The following PTPRD variants were observed in gnomAD, a reference collection of about 807,000 sequenced individuals.
PTPRD encodes protein tyrosine phosphatase receptor type D, also known as receptor-type tyrosine-protein phosphatase delta.
In PTPRD, 34 loss-of-function variants were observed where a neutral mutation model predicts 214.5. The observed-to-expected ratio is 0.16, with a 90% CI of 0.12 to 0.21. The LOEUF (loss-of-function observed/expected upper bound fraction) is 0.21, where lower values mean the gene tolerates loss of function less well. Ranked by LOEUF, PTPRD falls within the 10% of genes least tolerant of loss-of-function variation. PTPRD has a pLI of 1.00. For missense variants in PTPRD, 2,545 were observed against 2,398.7 expected (o/e 1.06, Z -1.27); for synonymous variants, 1,128 against 845.7 (o/e 1.33, Z -5.79).
chr9:9,956,574 T>C (rs1005809302), intron 4 of PTPRD, among the ~76,000 whole-genome samples: 3 of 152,156 alleles, frequency 2.0e-5, no homozygotes, highest in Admixed American at 6.5e-5. Context: ...TGTTATGTGG[T>C]TTATCATTTT....
intron 11 of PTPRD, among the ~76,000 whole-genome samples, chr9:8,986,897 A>C (rs1358864958): frequency 6.6e-6 from 1 of 152,080 alleles, no homozygotes; most frequent in African/African-American, 2.4e-5. Context: ...GTGATGTACT[A>C]CTTTAACAAT....
At chr9:10,082,846 C>A (rs866005903) in intron 3 of PTPRD, among the ~76,000 whole-genome samples, 2 of 143,304 alleles carry the variant, frequency 1.4e-5, no homozygotes, top group South Asian at 4.4e-4. Flanking sequence ...CACAAACACA[C>A]ACACACACAC....
At chr9:9,189,960 T>G (rs561359150) in intron 9 of PTPRD, among the ~76,000 whole-genome samples, 1 of 152,032 alleles carries the variant, frequency 6.6e-6, no homozygotes, top group Non-Finnish European at 1.5e-5. Flanking sequence ...CAGAAGACTT[T>G]AATAGCCAGT....
chr9:9,252,413 C>T (rs925808510), intron 9 of PTPRD, among the ~76,000 whole-genome samples: 1 of 152,024 alleles, frequency 6.6e-6, no homozygotes, highest in African/African-American at 2.4e-5. Context: ...TGGCCACCTT[C>T]CTATAACTTG....
intron 6 of PTPRD, among the ~76,000 whole-genome samples, chr9:9,738,635 T>C (rs1737376986): frequency 1.3e-5 from 2 of 151,892 alleles, no homozygotes; most frequent in African/African-American, 4.8e-5. Flanking sequence ...AGAGATGGGG[T>C]TTCACCATGT....
rs555418979 is a variant in PTPRD at position 10,179,899 on chromosome 9, C to T, written c.-544-146109G>A. Among the ~76,000 whole-genome samples the T allele has an allele frequency of 3.9e-5, 6 of 151,950 alleles. No homozygotes were observed. In the South Asian group the frequency reaches 1.2e-3, roughly 32 times the overall value. On this transcript the variant is annotated intron_variant, in intron 3 of 45. Coordinates refer to ENST00000381196, the MANE Select transcript of PTPRD (RefSeq NM_002839.4). ...AAACTAAGCATACTATTTTATTTAG[C>T]TAGCAAAATTAAATTTGATAATCTA...
intron 30 of PTPRD, among the ~76,000 whole-genome samples, chr9:8,479,868 T>G (rs2096844178): frequency 6.6e-6 from 1 of 152,210 alleles, no homozygotes; most frequent in African/African-American, 2.4e-5. Flanking sequence ...ATCATTTCCC[T>G]GTTCCTTCAT....
intron 4 of PTPRD, among the ~76,000 whole-genome samples, chr9:9,946,420 G>C (rs908276100): frequency 6.6e-6 from 1 of 152,056 alleles, no homozygotes; most frequent in East Asian, 1.9e-4. Flanking sequence ...ACGTTAAATT[G>C]TGTCAAATTA....
intron 8 of PTPRD, among the ~76,000 whole-genome samples, chr9:9,503,091 A>G (rs897991939): frequency 2.0e-5 from 3 of 151,820 alleles, no homozygotes; most frequent in African/African-American, 7.2e-5. Flanking sequence ...AAAATAGACA[A>G]GCAAATAAGT....
intron 27 of PTPRD, among the ~76,000 whole-genome samples, chr9:8,490,886 T>G (rs10120463): frequency 0.04 from 6,049 of 152,280 alleles, 382 homozygotes; most frequent in African/African-American, 0.14. Context: ...CCTGAATTCT[T>G]TGTGGGAGCT....
chr9:9,626,571 G>A (rs149312390), intron 7 of PTPRD, among the ~76,000 whole-genome samples: 34 of 152,234 alleles, frequency 2.2e-4, no homozygotes, highest in African/African-American at 8.2e-4. Context: ...AAGGGACGGA[G>A]AAAAGGAGGG....
At chr9:8,483,105 C>T (rs1314982232) in intron 30 of PTPRD, among the ~76,000 whole-genome samples, 1 of 152,126 alleles carries the variant, frequency 6.6e-6, no homozygotes, top group Non-Finnish European at 1.5e-5. Flanking sequence ...GGTGAAAATA[C>T]TTTTTTCTTC....
chr9:8,460,637 T>A (rs2134169110), intron 32 of PTPRD, 66 bp from the exon 33 acceptor site: 3 of 1,497,426 alleles, frequency 2.0e-6, no homozygotes, highest in Admixed American at 2.2e-5. Context: ...CCTTTAACAT[T>A]AGAAGAAGCA....
At chr9:10,068,883 T>C (rs2097936893) in intron 3 of PTPRD, among the ~76,000 whole-genome samples, 1 of 152,030 alleles carries the variant, frequency 6.6e-6, no homozygotes, top group South Asian at 2.1e-4. Context: ...TACATATCCA[T>C]AAAGAATAAG....
Position 9,678,725 on chromosome 9 carries a change from T to C in PTPRD, c.-287+55808A>G, listed in dbSNP as rs2096991724. Reference sequence around the variant, plus strand: ...ACAAAACTCTAAAAAAAAATAGCTCTCAGCATAACAAGGAGTCAGTCTAAA... The same window carrying C: ...ACAAAACTCTAAAAAAAAATAGCTCCCAGCATAACAAGGAGTCAGTCTAAA... On this transcript the variant is annotated intron_variant, in intron 7 of 45. Coordinates refer to ENST00000381196, the MANE Select transcript of PTPRD (RefSeq NM_002839.4). Among the ~76,000 whole-genome samples, 6 of 151,876 alleles carry C rather than the reference T, an allele frequency of 4.0e-5. No homozygotes were observed. The South Asian group carries it at 1.2e-3, about 31-fold the overall frequency.
intron 4 of PTPRD, among the ~76,000 whole-genome samples, chr9:9,943,710 T>G (rs16930657): frequency 0.084 from 12,797 of 152,176 alleles, 1,798 homozygotes; most frequent in African/African-American, 0.29. Context: ...GTACAGAAGC[T>G]AATTGTGCAG....
At position 10,028,202 on chromosome 9, in the gene PTPRD, A is replaced by T. The variant is rs914996980; in HGVS notation, c.-472+5516T>A. Among the ~76,000 whole-genome samples, 5 of 152,300 alleles carry T rather than the reference A, an allele frequency of 3.3e-5. No individual in the cohort carries two copies. In the East Asian group the frequency reaches 9.6e-4, roughly 29 times the overall value. On this transcript the variant is annotated intron_variant, in intron 4 of 45. Coordinates refer to ENST00000381196, the MANE Select transcript of PTPRD (RefSeq NM_002839.4). ...CTCTTCTCTTATCTGCTGCCATGTG[A>T]GACATGCGTTTCACCTTCTGCCATG...
intron 39 of PTPRD, among the ~76,000 whole-genome samples, chr9:8,344,597 A>C (rs1855766743): frequency 6.6e-6 from 1 of 152,086 alleles, no homozygotes; most frequent in Admixed American, 6.6e-5. Flanking sequence ...TTAACTGCCC[A>C]ATCCTGCTAT....
At chr9:9,396,957 A>G (rs28374265) in intron 9 of PTPRD, among the ~76,000 whole-genome samples, 152 of 152,164 alleles carry the variant, frequency 1.0e-3, no homozygotes, top group African/African-American at 3.1e-3. Context: ...GTTCCAAGTT[A>G]TATCCACTCA....
Sources: gnomAD v4.1 joint callset for allele counts (sites outside exome capture counted in the v4.1 genomes callset) on GRCh38, gnomAD v4.1.1 for gene constraint, MANE v1.5 for transcripts, NCBI Gene and HGNC (gene_info 2026-07-23, HGNC 2026-07-21) for gene names.